GRIA1: variants seen among roughly 807,000 people sequenced by gnomAD.
The protein encoded by GRIA1 is glutamate ionotropic receptor AMPA type subunit 1, also known as glutamate receptor 1.
A neutral mutation model predicts 99.2 loss-of-function variants in GRIA1; 31 were observed. The ratio of observed to expected loss-of-function variants is 0.31; its 90% CI spans 0.23 to 0.42. The LOEUF (loss-of-function observed/expected upper bound fraction) is 0.42, where lower values mean the gene tolerates loss of function less well. Among genes scored for constraint, GRIA1 ranks in the 10% least tolerant of loss-of-function variants. The pLI is 1.00. For synonymous variants in GRIA1, 438 were observed against 432.4 expected (o/e 1.01, Z -0.16); for missense variants, 782 against 1,157.5 (o/e 0.68, Z 4.71).
chr5:153,593,160 G>A (rs1764124228), intron 2 of GRIA1, among the ~76,000 whole-genome samples: 1 of 152,142 alleles, frequency 6.6e-6, no homozygotes, highest in Non-Finnish European at 1.5e-5. Flanking sequence ...GCAGCCACTC[G>A]GGAGGCTGAG....
At chr5:153,619,103 G>A (rs1766784571) in intron 2 of GRIA1, among the ~76,000 whole-genome samples, 1 of 152,198 alleles carries the variant, frequency 6.6e-6, no homozygotes, top group African/African-American at 2.4e-5. Context: ...ATCTTAGCTT[G>A]ATAGGGCAAT....
chr5:153,650,292 ACTGT>A (rs10610110), intron 3 of GRIA1, 34 bp from the exon 4 acceptor site: 648,143 of 1,583,126 alleles, frequency 0.41, 140,026 homozygotes, highest in Non-Finnish European at 0.44. Flanking sequence ...ACAAATCCTG[ACTGT>A]CTGTCATTTC....
rs190724246 is a variant in GRIA1, at chr5:153,540,128, G to A, written c.220+46063G>A. ...ATTGTCCCCTCTGGAAAGCCAGCCA[G>A]TGCACGTGGAGACGAGCCAGAGCTG... On this transcript the variant is annotated intron_variant, in intron 2 of 15. Coordinates refer to ENST00000285900, the MANE Select transcript of GRIA1 (RefSeq NM_000827.4). 5.2e-3 allele frequency among the ~76,000 whole-genome samples: 789 copies of A among 152,336 alleles called. 4 individuals are homozygous for A. Among genetic ancestry groups the A allele is most frequent in the Middle Eastern group, 0.024 (7 of 294 alleles).
At chr5:153,507,364 C>T (rs963039457) in intron 2 of GRIA1, among the ~76,000 whole-genome samples, 3 of 152,068 alleles carry the variant, frequency 2.0e-5, no homozygotes, top group African/African-American at 7.2e-5. Context: ...TCAACACCAC[C>T]ACAGGGGTCC....
At chr5:153,491,909 C>A (rs1023060833) in intron 1 of GRIA1, among the ~76,000 whole-genome samples, 15 of 152,166 alleles carry the variant, frequency 9.9e-5, no homozygotes, top group African/African-American at 3.6e-4. Context: ...ATTGCTACTC[C>A]TGATAATCAT....
chr5:153,600,529 A>G (rs1764853078), intron 2 of GRIA1, among the ~76,000 whole-genome samples: 1 of 151,982 alleles, frequency 6.6e-6, no homozygotes, highest in African/African-American at 2.4e-5. Context: ...TTGACTGTGG[A>G]AAGTCAAAGG....
At chr5:153,600,491 A>G (rs1468805126) in intron 2 of GRIA1, among the ~76,000 whole-genome samples, 2 of 151,876 alleles carry the variant, frequency 1.3e-5, no homozygotes, top group Admixed American at 1.3e-4. Context: ...TTATTTAGGA[A>G]AGAAATAGCG....
At chr5:153,659,333 T>C (rs564393441) in intron 5 of GRIA1, among the ~76,000 whole-genome samples, 3 of 152,198 alleles carry the variant, frequency 2.0e-5, no homozygotes, top group Non-Finnish European at 4.4e-5. Context: ...TTCCATAGCA[T>C]TGGTGTGGGC....
At chr5:153,497,200 C>T (rs1183270004) in intron 2 of GRIA1, among the ~76,000 whole-genome samples, 1 of 152,096 alleles carries the variant, frequency 6.6e-6, no homozygotes, top group Non-Finnish European at 1.5e-5. Flanking sequence ...CAACCCAATG[C>T]CTTGGGATCT....
Position 153,491,180 on chromosome 5 carries a change from C to T in GRIA1, c.82+210C>T, listed in dbSNP as rs998487388. 4.6e-6 allele frequency: 5 copies of T among 1,091,002 alleles called. No individual in the cohort carries two copies. The African/African-American group carries it at 4.8e-5, about 10-fold the overall frequency. 67.6% of individuals were successfully genotyped at this position (1,091,002 alleles called of 1,614,324 possible). A position where few individuals can be genotyped will look rare whatever the true frequency, so the allele number is the denominator to read the frequency against. The stretch of plus-strand genomic sequence containing the variant: ...GGGGCAGAGGGGAAGTGTTCACACA[C>T]GCACACATACCCTACTCGCACTCCA... On this transcript the variant is annotated intron_variant, in intron 1 of 15. Coordinates refer to ENST00000285900, the MANE Select transcript of GRIA1 (RefSeq NM_000827.4).
At chr5:153,725,007 C>G (rs532505580) in intron 11 of GRIA1, among the ~76,000 whole-genome samples, 14 of 152,092 alleles carry the variant, frequency 9.2e-5, no homozygotes, top group African/African-American at 3.4e-4. Flanking sequence ...GAAAGGTCGG[C>G]TTACCCACAA....
At chr5:153,512,570 G>C (rs1292850800) in intron 2 of GRIA1, among the ~76,000 whole-genome samples, 1 of 152,218 alleles carries the variant, frequency 6.6e-6, no homozygotes, top group African/African-American at 2.4e-5. Context: ...GGACTGGCTA[G>C]CAGTGGCGAG....
At chr5:153,797,409 G>C (rs1391835815) in intron 14 of GRIA1, among the ~76,000 whole-genome samples, 2 of 152,206 alleles carry the variant, frequency 1.3e-5, no homozygotes, top group Non-Finnish European at 2.9e-5. Context: ...TAGAGGAAGG[G>C]ACTAGACAAA....
At chr5:153,574,097 G>A (rs1762340595) in intron 2 of GRIA1, among the ~76,000 whole-genome samples, 2 of 152,106 alleles carry the variant, frequency 1.3e-5, no homozygotes, top group Non-Finnish European at 2.9e-5. Flanking sequence ...GTCTGGAAAT[G>A]GGAGACTTCA....
intron 13 of GRIA1, among the ~76,000 whole-genome samples, chr5:153,792,321 G>A (rs1765349491): frequency 6.6e-6 from 1 of 152,132 alleles, no homozygotes; most frequent in African/African-American, 2.4e-5. Context: ...ACCCCAAACA[G>A]GATTATTTGC....
At chr5:153,720,898 C>T (rs556492340) in intron 11 of GRIA1, among the ~76,000 whole-genome samples, 2 of 152,264 alleles carry the variant, frequency 1.3e-5, no homozygotes, top group East Asian at 3.9e-4. Context: ...TGTATAGTCT[C>T]ATTAGGAAGA....
In GRIA1 at chr5:153,696,002, A is replaced by C. The variant is rs1003431478; in HGVS notation, c.1135-2042A>C. On this transcript the variant is annotated intron_variant, in intron 8 of 15. Transcript: ENST00000285900. ...GTCTTGTCCATGAGAAACTCATAGC[A>C]CCATGGAGAGATGGGGACAGACACA... 2.0e-5 allele frequency among the ~76,000 whole-genome samples: 3 copies of C among 152,258 alleles called. No homozygotes were observed. In the South Asian group the frequency reaches 6.2e-4, roughly 32 times the overall value.
At chr5:153,750,332 A>G (rs1358270577) in intron 11 of GRIA1, among the ~76,000 whole-genome samples, 8 of 152,100 alleles carry the variant, frequency 5.3e-5, no homozygotes. Flanking sequence ...GCCCGTTTTC[A>G]TTCCTTTTTA....
At chr5:153,537,223 C>G (rs991991701) in intron 2 of GRIA1, among the ~76,000 whole-genome samples, 7 of 152,132 alleles carry the variant, frequency 4.6e-5, no homozygotes, top group African/African-American at 1.7e-4. Flanking sequence ...CCTCCATATC[C>G]CTGGCTCCTG....
Sources: allele counts gnomAD v4.1 joint callset (sites outside exome capture counted in the v4.1 genomes callset), GRCh38; gene constraint gnomAD v4.1.1; transcripts MANE v1.5; gene names NCBI Gene and HGNC (gene_info 2026-07-23, HGNC 2026-07-21).